The following SHANK1 variants were observed in gnomAD, a reference collection of about 807,000 sequenced individuals.
SHANK1 encodes SH3 and multiple ankyrin repeat domains protein 1.
A neutral mutation model predicts 165.6 loss-of-function variants in SHANK1; 35 were observed. The ratio of observed to expected loss-of-function variants is 0.21; its 90% CI spans 0.16 to 0.28. The LOEUF (loss-of-function observed/expected upper bound fraction) is 0.28, where lower values mean the gene tolerates loss of function less well. Among genes scored for constraint, SHANK1 ranks in the 10% least tolerant of loss-of-function variants. The pLI, the probability that SHANK1 is intolerant of heterozygous loss-of-function variation, is 1.00. For missense variants in SHANK1, 2,681 were observed against 3,036.4 expected, an observed-to-expected ratio of 0.88 and a Z score of 2.75; for synonymous variants, 1,428 against 1,384.8, an observed-to-expected ratio of 1.03 and a Z score of -0.69.
At position 50,662,454 on chromosome 19, in the gene SHANK1, G is replaced by T. The variant is rs1408124421; in HGVS notation, c.5997C>A (p.Pro1999=). 1.3e-6 allele frequency: 2 copies of T among 1,550,436 alleles called. No individual in the cohort carries two copies. Among genetic ancestry groups the T allele is most frequent in the East Asian group, 2.3e-5 (1 of 42,870 alleles). ...EMRPPLLRRA[P]SPSLLPASEH... is the part of the protein sequence containing the mutation. ...CCGAGGCGGGCAGCAGCGAGGGGCT[G>T]GGGGCCCGGCGGAGCAGAGGGGGCC... The change falls in exon 24 of 24, where the codon CCC becomes CCA. Residue 1999 remains proline (P), a synonymous_variant. Coordinates refer to ENST00000293441, the MANE Select transcript of SHANK1 (RefSeq NM_016148.5). The surrounding 1 kb of genome is among the most constrained non-coding windows in gnomAD (Gnocchi z 7.7).
At chr19:50,674,728 C>G (rs967787680) in intron 21 of SHANK1, among the ~76,000 whole-genome samples, 4 of 152,030 alleles carry the variant, frequency 2.6e-5, no homozygotes, top group Non-Finnish European at 4.4e-5. Context: ...TTGAGACCAG[C>G]CTGGGCAGCA....
In SHANK1 at chr19:50,704,570, C is replaced by T. The variant is rs1031498273; in HGVS notation, c.1078-56G>A. ...AGAGAGAGAGAAAAAATTAAGATCACCATGAGTGGATGCAGGTTCTGTGCT... is the reference window on the plus strand; with the variant it reads ...AGAGAGAGAGAAAAAATTAAGATCATCATGAGTGGATGCAGGTTCTGTGCT... On this transcript the variant is annotated intron_variant, in intron 8 of 23. Coordinates refer to ENST00000293441, the MANE Select transcript of SHANK1 (RefSeq NM_016148.5). The T allele has an allele frequency of 2.7e-6, 4 of 1,461,568 alleles. No individual in the cohort carries two copies. In the African/African-American group the frequency reaches 4.2e-5, roughly 15 times the overall value. The allele number at this position is 1,461,568 out of a possible 1,614,324, so 90.5% of individuals were successfully genotyped here.
rs1454764363 is a variant in SHANK1, at chr19:50,697,126, C to T, written c.1938-4G>A. On this transcript the variant is annotated splice_polypyrimidine_tract_variant and splice_region_variant and intron_variant, in intron 14 of 23. Transcript: ENST00000293441. The surrounding 1 kb of genome is among the most constrained non-coding windows in gnomAD (Gnocchi z 4.7). ...TGGGCCAATCCCATCCATTAAGCTT[C>T]CGAAGCAAGTCAGCCAGCAGCCAGG... 54 of 1,613,410 alleles carry T rather than the reference C, an allele frequency of 3.3e-5. No individual in the cohort carries two copies. The highest frequency in any genetic ancestry group is 4.5e-5 in the Non-Finnish European group (53 of 1,179,848).
intron 8 of SHANK1, among the ~76,000 whole-genome samples, chr19:50,710,411 C>T (rs940697493): frequency 1.3e-5 from 2 of 152,150 alleles, no homozygotes; most frequent in East Asian, 1.9e-4. Flanking sequence ...GTCATGCTAG[C>T]GCCTGTCTCT....
chr19:50,689,288 G>C lies in SHANK1; in HGVS notation c.1965-9C>G. 1 of 1,598,358 alleles carries C rather than the reference G, an allele frequency of 6.3e-7. No homozygotes were observed. Among genetic ancestry groups the C allele is most frequent in the Non-Finnish European group, 8.6e-7 (1 of 1,166,486 alleles). On this transcript the variant is annotated splice_polypyrimidine_tract_variant and intron_variant, in intron 15 of 23. Coordinates refer to ENST00000293441, the MANE Select transcript of SHANK1 (RefSeq NM_016148.5). ...CCTTAATGATGTAATCGCTGGCAGG[G>C]AGGCAGGAGAAATGGGGGGGTGGTG...
chr19:50,667,040 G>A lies in SHANK1; in HGVS notation c.4920C>T (p.Ala1640=), dbSNP rs769100167. ...EVATLTQGAS[A]APGDPHPPGP... is the part of the protein sequence containing the mutation. Reference sequence around the variant, plus strand: ...CTGGTGGATGGGGGTCCCCAGGAGCGGCGGAGGCCCCCTGGGTCAGGGTGG... The same window carrying A: ...CTGGTGGATGGGGGTCCCCAGGAGCAGCGGAGGCCCCCTGGGTCAGGGTGG... Residue 1640 remains alanine, a synonymous_variant, in exon 23 of 24, where the codon GCC becomes GCT. Transcript: ENST00000293441. The surrounding 1 kb of genome is among the most constrained non-coding windows in gnomAD (Gnocchi z 5.7). 2.8e-5 allele frequency: 44 copies of A among 1,546,794 alleles called. No individual in the cohort carries two copies. The highest frequency in any genetic ancestry group is 8.1e-5 in the African/African-American group (6 of 74,158).
chr19:50,661,888 ACAGT>A lies in SHANK1; in HGVS notation c.*73_*76del. 1.3e-6 allele frequency: 2 copies of A among 1,500,454 alleles called. No individual in the cohort carries two copies. Among genetic ancestry groups the A allele is most frequent in the Non-Finnish European group, 9.2e-7 (1 of 1,085,344 alleles). The allele number at this position is 1,500,454 out of a possible 1,614,324, so 92.9% of individuals were successfully genotyped here. A position where few individuals can be genotyped will look rare whatever the true frequency, so the allele number is the denominator to read the frequency against. Reference sequence around the variant, plus strand: ...GAGTCCCTGGCCCGGGGAGAGAATGACAGTCAGGGGTCAGAGGTCAAGAGGCCAG... The same window carrying A: ...GAGTCCCTGGCCCGGGGAGAGAATGACAGGGGTCAGAGGTCAAGAGGCCAG... On this transcript the variant is annotated 3_prime_UTR_variant, in exon 24 of 24. Transcript: ENST00000293441.
chr19:50,714,397 G>A (rs536169428), intron 4 of SHANK1, 107 bp from the exon 5 acceptor site: 18 of 913,584 alleles, frequency 2.0e-5, no homozygotes, highest in East Asian at 2.7e-5. Context: ...AGTCACATAC[G>A]CCATTGAAAA....
chr19:50,684,388 G>A (rs1986270239), intron 21 of SHANK1, among the ~76,000 whole-genome samples: 1 of 152,152 alleles, frequency 6.6e-6, no homozygotes, highest in Non-Finnish European at 1.5e-5. Flanking sequence ...ACCACATCCG[G>A]CCAATTTTTG....
rs973186008 is a variant in SHANK1, at chr19:50,718,139, G to C, written c.-43-1177C>G. 6.6e-6 allele frequency among the ~76,000 whole-genome samples: 1 copy of C among 152,156 alleles called. No individual in the cohort carries two copies. Among genetic ancestry groups the C allele is most frequent in the Non-Finnish European group, 1.5e-5 (1 of 68,018 alleles). On this transcript the variant is annotated intron_variant, in intron 1 of 23. Transcript: ENST00000293441. The surrounding 1 kb of genome is among the most constrained non-coding windows in gnomAD (Gnocchi z 5.1). ...GAGTGGGGATGGGCTGGGGGGTTGGGAAAGGGAAGACTAAATGTGTGTGGT... is the reference window on the plus strand; with the variant it reads ...GAGTGGGGATGGGCTGGGGGGTTGGCAAAGGGAAGACTAAATGTGTGTGGT...
At chr19:50,678,844 A>G (rs377349059) in intron 21 of SHANK1, among the ~76,000 whole-genome samples, 6 of 258 alleles carry the variant, frequency 0.023, no homozygotes, top group African/African-American at 0.11. Flanking sequence ...AGGGGTCAGG[A>G]TGATGGGGAG....
Position 50,662,679 on chromosome 19 carries a change from G to C in SHANK1, c.5772C>G (p.Leu1924=). 1 of 1,560,918 alleles carries C rather than the reference G, an allele frequency of 6.4e-7. No homozygotes were observed. Reference sequence around the variant, plus strand: ...GGAGTGAGGACTGGGAGTCGTCGGAGAGTCTGGAATGTGACAAGGGGGCAG... The same window carrying C: ...GGAGTGAGGACTGGGAGTCGTCGGACAGTCTGGAATGTGACAAGGGGGCAG... ...ERTSSLQRQR[L]SDDSQSSLLS... The change falls in exon 24 of 24, where the codon CTC becomes CTG. Residue 1924 remains leucine, a synonymous_variant. Transcript: ENST00000293441. The surrounding 1 kb of genome is among the most constrained non-coding windows in gnomAD (Gnocchi z 7.7).
intron 22 of SHANK1, 40 bp downstream of exon 22, chr19:50,671,978 C>T: frequency 6.8e-7 from 1 of 1,470,854 alleles, no homozygotes; most frequent in Non-Finnish European, 9.5e-7. Context: ...ACGTTCCTGG[C>T]CTCCCCCAGC....
At chr19:50,705,569 G>A (rs1048974007) in intron 8 of SHANK1, among the ~76,000 whole-genome samples, 1 of 152,022 alleles carries the variant, frequency 6.6e-6, no homozygotes, top group Non-Finnish European at 1.5e-5. Context: ...TTTGTGGAGG[G>A]TGTTCTGAGC....
intron 21 of SHANK1, among the ~76,000 whole-genome samples, chr19:50,680,881 C>T (rs112536411): frequency 1.3e-5 from 2 of 152,166 alleles, no homozygotes; most frequent in Non-Finnish European, 2.9e-5. Context: ...GTCTCAAACT[C>T]CTGACCTCAG....
intron 22 of SHANK1, among the ~76,000 whole-genome samples, chr19:50,671,481 C>T (rs1314608478): frequency 7.3e-6 from 1 of 136,062 alleles, no homozygotes; most frequent in Non-Finnish European, 1.6e-5. Flanking sequence ...CTGCGCCCGG[C>T]CCACTCTTTT....
intron 21 of SHANK1, among the ~76,000 whole-genome samples, chr19:50,682,793 TC>T (rs1986217765): frequency 6.6e-6 from 1 of 152,226 alleles, no homozygotes; most frequent in African/African-American, 2.4e-5. Context: ...CTTAGGATAA[TC>T]CTGGGGCTGA....
chr19:50,692,661 TCTC>T (rs1986577844), intron 15 of SHANK1, among the ~76,000 whole-genome samples: 1 of 151,122 alleles, frequency 6.6e-6, no homozygotes, highest in Non-Finnish European at 1.5e-5. Flanking sequence ...CCCACCACAG[TCTC>T]CTTGAACTTC....
rs762043470 is a variant in SHANK1 at position 50,666,974 on chromosome 19, C to G, written c.4986G>C (p.Gln1662His). Residue 1662 changes from glutamine (Q) to histidine (H), a missense_variant, in exon 23 of 24, where the codon CAG becomes CAC. Transcript: ENST00000293441. ...APAAPAPAAP[Q>H]PGPDPPPGTD... ...TGCCAGGCGGAGGGTCCGGGCCAGG[C>G]TGTGGGGCAGCGGGAGCCGGTGCTG... 1.9e-6 allele frequency: 3 copies of G among 1,583,944 alleles called. No individual in the cohort carries two copies. The Admixed American group carries it at 5.2e-5, about 27-fold the overall frequency.
Sources: allele counts gnomAD v4.1 joint callset (sites outside exome capture counted in the v4.1 genomes callset), GRCh38; gene constraint gnomAD v4.1.1; non-coding constraint Gnocchi (gnomAD v3.1); transcripts MANE v1.5; gene names NCBI Gene and HGNC (gene_info 2026-07-23, HGNC 2026-07-21).